ASS1: variants seen among roughly 807,000 people sequenced by gnomAD.
ASS1 encodes the protein argininosuccinate synthase 1, also known as argininosuccinate synthase.
ASS1 carries 58 observed loss-of-function variants against 60.5 expected under a neutral mutation model. The observed-to-expected ratio is 0.96, with a 90% CI of 0.78 to 1.19. The LOEUF (loss-of-function observed/expected upper bound fraction) is 1.19. Among genes scored for constraint, ASS1 ranks in the 50% most tolerant of loss-of-function variants. The probability of loss-of-function intolerance (pLI) is 0.00; values close to 1 mark genes in which losing one functional copy is unlikely to be tolerated. For missense variants in ASS1, 454 were observed against 547.3 expected, an observed-to-expected ratio of 0.83 and a Z score of 1.70; for synonymous variants, 200 against 206.9, an observed-to-expected ratio of 0.97 and a Z score of 0.29.
chr9:130,469,914 G>A (rs1463315221), intron 6 of ASS1, among the ~76,000 whole-genome samples: 2 of 152,150 alleles, frequency 1.3e-5, no homozygotes, highest in Non-Finnish European at 2.9e-5. Context: ...GGGGCTGAAG[G>A]GGCTCAGAGG....
rs1167026676 is a variant in ASS1 at position 130,454,326 on chromosome 9, G to C, written c.127G>C (p.Asp43His). ...TCAGGCCAACATTGGCCAGAAGGAA[G>C]ACTTCGAGGAAGCCAGGAAGAAGGC... ...AYLANIGQKEDFEEARKKALK... is the reference protein window; with the variant it reads ...AYLANIGQKEHFEEARKKALK... Residue 43 changes from aspartate to histidine, a missense_variant, in exon 3 of 15, where the codon GAC (aspartate) becomes CAC (histidine). Transcript: ENST00000352480. 5.0e-6 allele frequency: 8 copies of C among 1,612,894 alleles called. No individual in the cohort carries two copies. Among genetic ancestry groups the C allele is most frequent in the Non-Finnish European group, 6.8e-6 (8 of 1,179,752 alleles).
chr9:130,458,907 TC>T (rs1444747300), intron 4 of ASS1, among the ~76,000 whole-genome samples: 1 of 151,962 alleles, frequency 6.6e-6, no homozygotes. Context: ...ACTGCGTGAG[TC>T]CCCCAGGGGA....
chr9:130,458,335 G>A lies in ASS1; in HGVS notation c.175-66G>A, dbSNP rs941057566. On this transcript the variant is annotated intron_variant, in intron 3 of 14. Transcript: ENST00000352480. The stretch of plus-strand genomic sequence containing the variant: ...AGGTCTCAGCTAGCTGAGGCCCCTG[G>A]GGCTCTGTATGCCAGATGGCCCCTG... 1.6e-5 allele frequency: 25 copies of A among 1,603,206 alleles called. No individual in the cohort carries two copies. In the African/African-American group the frequency reaches 2.5e-4, roughly 16 times the overall value.
At chr9:130,475,433 G>A (rs1414028665) in intron 8 of ASS1, among the ~76,000 whole-genome samples, 1 of 152,218 alleles carries the variant, frequency 6.6e-6, no homozygotes, top group African/African-American at 2.4e-5. Context: ...AACTGAGGCT[G>A]GAGGAAGTGA....
In ASS1 at chr9:130,456,203, C is replaced by T. The variant is rs185497030; in HGVS notation, c.174+1830C>T. Among the ~76,000 whole-genome samples, 896 of 152,318 alleles carry T rather than the reference C, an allele frequency of 5.9e-3. 4 individuals carry two copies. The highest frequency in any genetic ancestry group is 0.015 in the African/African-American group (621 of 41,564). On this transcript the variant is annotated intron_variant, in intron 3 of 14. Transcript: ENST00000352480. ...AGGATGGGCCAGGCACAGTGGCTCA[C>T]GCCTGTAATCCCAGCACTTTGGCAG...
At chr9:130,487,508 G>A (rs967795304) in intron 11 of ASS1, among the ~76,000 whole-genome samples, 2 of 151,978 alleles carry the variant, frequency 1.3e-5, no homozygotes, top group Non-Finnish European at 2.9e-5. Flanking sequence ...CCTTTCCCAG[G>A]GCTGTGCCAC....
At chr9:130,447,455 C>T (rs1283167318) in intron 1 of ASS1, among the ~76,000 whole-genome samples, 1 of 152,252 alleles carries the variant, frequency 6.6e-6, no homozygotes, top group African/African-American at 2.4e-5. Context: ...CAAGTGAGCG[C>T]CCAGGCTGGC....
chr9:130,467,718 G>A (rs191191632), intron 6 of ASS1, among the ~76,000 whole-genome samples: 123 of 152,334 alleles, frequency 8.1e-4, no homozygotes, highest in Non-Finnish European at 3.4e-4. Context: ...TATTAAGGGA[G>A]CCGGGTTGGT....
Position 130,501,079 on chromosome 9 carries a change from C to T in ASS1, c.*58C>T, listed in dbSNP as rs183494785. The T allele has an allele frequency of 1.0e-4, 155 of 1,524,052 alleles. No homozygotes were observed. Among genetic ancestry groups the T allele is most frequent in the Admixed American group, 5.0e-5 (3 of 59,826 alleles). The allele number at this position is 1,524,052 out of a possible 1,614,324, so 94.4% of individuals were successfully genotyped here. On this transcript the variant is annotated 3_prime_UTR_variant, in exon 15 of 15. Transcript: ENST00000352480. Reference sequence around the variant, plus strand: ...AATTTGCAGATCCCCCAAGTACAGGCGCTAATTGTTGTGATAATTTGTAAT... The same window carrying T: ...AATTTGCAGATCCCCCAAGTACAGGTGCTAATTGTTGTGATAATTTGTAAT...
At chr9:130,458,357 C>G in intron 3 of ASS1, 44 bp from the exon 4 acceptor site, 1 of 1,611,386 alleles carries the variant, frequency 6.2e-7, no homozygotes, top group Non-Finnish European at 8.5e-7. Flanking sequence ...CCAGATGGCC[C>G]CTGTCCTTGC....
At chr9:130,462,083 G>T (rs1192908762) in intron 4 of ASS1, among the ~76,000 whole-genome samples, 1 of 152,154 alleles carries the variant, frequency 6.6e-6, no homozygotes, top group African/African-American at 2.4e-5. Context: ...ATGCCCTGCT[G>T]CCAGCCCCAC....
chr9:130,459,705 G>A lies in ASS1; in HGVS notation c.363+1116G>A, dbSNP rs781774407. ...CAGCCTTGGCCTCCCAAAGCACTGG[G>A]ATTACAGGCGTGGGCCACCATGCCC... On this transcript the variant is annotated intron_variant, in intron 4 of 14. Transcript: ENST00000352480. The surrounding 1 kb of genome is among the most constrained non-coding windows in gnomAD (Gnocchi z 4.6). Among the ~76,000 whole-genome samples, 3 of 152,234 alleles carry A rather than the reference G, an allele frequency of 2.0e-5. No homozygotes were observed. The highest frequency in any genetic ancestry group is 4.4e-5 in the Non-Finnish European group (3 of 68,040).
chr9:130,454,653 C>T (rs1845398415), intron 3 of ASS1, among the ~76,000 whole-genome samples: 2 of 152,166 alleles, frequency 1.3e-5, no homozygotes, highest in Middle Eastern at 3.2e-3. Flanking sequence ...CACCCACTCA[C>T]CCTCTTTTAT....
chr9:130,466,164 G>A (rs1285236616), intron 5 of ASS1, among the ~76,000 whole-genome samples: 2 of 152,234 alleles, frequency 1.3e-5, no homozygotes, highest in East Asian at 3.9e-4. Flanking sequence ...GAGCTCCAGG[G>A]CTGAGTCGGG....
Position 130,464,553 on chromosome 9 carries a change from T to G in ASS1, c.420+386T>G, listed in dbSNP as rs181211207. Among the ~76,000 whole-genome samples the G allele has an allele frequency of 1.7e-3, 253 of 152,182 alleles. 2 individuals are homozygous for G. Among genetic ancestry groups the G allele is most frequent in the South Asian group, 0.012 (59 of 4,822 alleles). ...TGGCTCTGAAACGTGGTTGCTGGTG[T>G]CTGGGATGCTCAGAGCCCTCCGAGC... On this transcript the variant is annotated intron_variant, in intron 5 of 14. Coordinates refer to ENST00000352480, the MANE Select transcript of ASS1 (RefSeq NM_054012.4).
chr9:130,489,552 C>G lies in ASS1; in HGVS notation c.970+88C>G, dbSNP rs575961057. Reference sequence around the variant, plus strand: ...GGCTCTCGGGCCTGGCCCTCCCCTCCGTATCAGCACCTTCCTCCCCTGCCG... The same window carrying G: ...GGCTCTCGGGCCTGGCCCTCCCCTCGGTATCAGCACCTTCCTCCCCTGCCG... On this transcript the variant is annotated intron_variant, in intron 12 of 14. Transcript: ENST00000352480. This position sits in a 1 kb window ranked among gnomAD's most constrained non-coding sequence, Gnocchi z 4.1. The G allele has an allele frequency of 3.1e-5, 49 of 1,593,240 alleles. No individual in the cohort carries two copies. The highest frequency in any genetic ancestry group is 3.9e-5 in the Non-Finnish European group (46 of 1,164,890).
At position 130,454,364 on chromosome 9, in the gene ASS1, G is replaced by A. The variant is rs146333243; in HGVS notation, c.165G>A (p.Gly55=). The A allele has an allele frequency of 5.3e-5, 85 of 1,613,712 alleles. No individual in the cohort carries two copies. In the African/African-American group the frequency reaches 8.1e-4, roughly 15 times the overall value. Residue 55 remains glycine (G), a synonymous_variant, in exon 3 of 15, where the codon GGG becomes GGA. Coordinates refer to ENST00000352480, the MANE Select transcript of ASS1 (RefSeq NM_054012.4). ...CCAGGAAGAAGGCACTGAAGCTTGGGGCCAAAAAGGTACCAGGCGGGAGGC... is the reference window on the plus strand; with the variant it reads ...CCAGGAAGAAGGCACTGAAGCTTGGAGCCAAAAAGGTACCAGGCGGGAGGC... ...EEARKKALKL[G]AKKVFIEDVS...
At chr9:130,482,891 G>A (rs1024759646) in intron 11 of ASS1, among the ~76,000 whole-genome samples, 10 of 152,178 alleles carry the variant, frequency 6.6e-5, no homozygotes, top group Admixed American at 2.0e-4. Flanking sequence ...AGTCAGTGTC[G>A]TACAGGGAAG....
At position 130,464,027 on chromosome 9, in the gene ASS1, G is replaced by A. The variant is rs375329634; in HGVS notation, c.364-84G>A. 138 of 1,466,896 alleles carry A rather than the reference G, an allele frequency of 9.4e-5. No individual in the cohort carries two copies. The African/African-American group carries it at 1.2e-3, about 12-fold the overall frequency. The allele number at this position is 1,466,896 out of a possible 1,614,324, so 90.9% of individuals were successfully genotyped here. A position where few individuals can be genotyped will look rare whatever the true frequency, so the allele number is the denominator to read the frequency against. The stretch of plus-strand genomic sequence containing the variant: ...CTCTGCCCAGCTCTGTCTCCGCCAC[G>A]GGCTGTCCTTGTCCTCACGTCCTCC... On this transcript the variant is annotated intron_variant, in intron 4 of 14. Transcript: ENST00000352480.
Sources: gnomAD v4.1 joint callset for allele counts (sites outside exome capture counted in the v4.1 genomes callset) on GRCh38, gnomAD v4.1.1 for gene constraint, Gnocchi (gnomAD v3.1) non-coding constraint, MANE v1.5 for transcripts, NCBI Gene and HGNC (gene_info 2026-07-23, HGNC 2026-07-21) for gene names.